Variants in HHAT observed in about 807,000 individuals in gnomAD.
The protein encoded by HHAT is hedgehog acyltransferase.
A neutral mutation model predicts 70.8 loss-of-function variants in HHAT; 47 were observed. The ratio of observed to expected loss-of-function variants is 0.66; its 90% CI spans 0.53 to 0.85. HHAT has a LOEUF of 0.85. Ranked by LOEUF, HHAT falls within the 40% of genes least tolerant of loss-of-function variation. HHAT has a pLI of 0.00. For synonymous variants in HHAT, 228 were observed against 247.6 expected (o/e 0.92, Z 0.74); for missense variants, 609 against 604.8 (o/e 1.01, Z -0.07).
At chr1:210,340,264 A>AAAAAT (rs2085919662) in intron 1 of HHAT, among the ~76,000 whole-genome samples, 3 of 141,328 alleles carry the variant, frequency 2.1e-5, no homozygotes, top group Non-Finnish European at 3.1e-5. Flanking sequence ...AAAAAAAAAA[A>AAAAAT]AAAAGACTCA....
chr1:210,425,362 C>T (rs924248737), intron 7 of HHAT, among the ~76,000 whole-genome samples: 2 of 152,122 alleles, frequency 1.3e-5, no homozygotes, highest in African/African-American at 4.8e-5. Context: ...TCCCATTTGT[C>T]AATTTTGCTT....
upstream of HHAT, chr1:210,328,405 TA>T (rs1195462686): frequency 6.6e-6 from 1 of 152,240 alleles, no homozygotes; most frequent in Non-Finnish European, 1.5e-5. Flanking sequence ...TTACAATTCA[TA>T]AAGTTTATTC....
intron 7 of HHAT, among the ~76,000 whole-genome samples, chr1:210,449,144 T>C (rs570082488): frequency 1.3e-5 from 2 of 152,298 alleles, no homozygotes; most frequent in Admixed American, 1.3e-4. Flanking sequence ...CAGCTTAAAA[T>C]TGGTGGTCGG....
chr1:210,471,663 T>TAGC (rs956462929), intron 8 of HHAT, among the ~76,000 whole-genome samples: 2 of 152,004 alleles, frequency 1.3e-5, no homozygotes, highest in South Asian at 4.1e-4. Context: ...ATAACAGCAA[T>TAGC]AGCAGCAGCA....
Position 210,337,032 on chromosome 1 carries a change from G to T in HHAT, c.-44+7928G>T, listed in dbSNP as rs560337020. 2.6e-5 allele frequency among the ~76,000 whole-genome samples: 4 copies of T among 152,218 alleles called. No homozygotes were observed. In the East Asian group the frequency reaches 7.7e-4, roughly 29 times the overall value. On this transcript the variant is annotated intron_variant, in intron 1 of 11. Coordinates refer to ENST00000261458, the MANE Select transcript of HHAT (RefSeq NM_018194.6). ...TTTTGAATTAGGGACTTATATAATTGACTCCCTTTTGCCAATCTTTAATGG... is the reference window on the plus strand; with the variant it reads ...TTTTGAATTAGGGACTTATATAATTTACTCCCTTTTGCCAATCTTTAATGG...
chr1:210,597,367 A>G (rs776728700), intron 10 of HHAT, among the ~76,000 whole-genome samples: 24 of 152,192 alleles, frequency 1.6e-4, no homozygotes, highest in South Asian at 6.2e-4. Flanking sequence ...CTAGCGTTCT[A>G]TAATCAGCAG....
At chr1:210,516,809 C>A (rs2095064960) in intron 9 of HHAT, among the ~76,000 whole-genome samples, 1 of 152,134 alleles carries the variant, frequency 6.6e-6, no homozygotes, top group South Asian at 2.1e-4. Context: ...GTCATGTCGA[C>A]TTCTCTGGAA....
At chr1:210,404,125 G>C (rs1332735504) in intron 5 of HHAT, among the ~76,000 whole-genome samples, 3 of 152,192 alleles carry the variant, frequency 2.0e-5, no homozygotes, top group Non-Finnish European at 4.4e-5. Context: ...ACTGGATGTA[G>C]CTAATCTGCA....
chr1:210,358,834 C>T (rs540086273), intron 2 of HHAT, among the ~76,000 whole-genome samples: 1 of 152,278 alleles, frequency 6.6e-6, no homozygotes, highest in South Asian at 2.1e-4. Context: ...ATTAATTTCC[C>T]ATCAAAATGC....
In HHAT at chr1:210,646,355, G is replaced by A. The variant is rs145768305; in HGVS notation, c.1390+22685G>A. ...CAAACTCCTAGCCTGAACCTCTTGC[G>A]CTGGCAGGATAAGTTCCTGTTTTCT... On this transcript the variant is annotated intron_variant, in intron 11 of 11. Transcript: ENST00000261458. Among the ~76,000 whole-genome samples the A allele has an allele frequency of 1.1e-4, 16 of 152,254 alleles. No homozygotes were observed. The East Asian group carries it at 2.5e-3, about 24-fold the overall frequency.
At chr1:210,519,177 T>G (rs2095109787) in intron 9 of HHAT, among the ~76,000 whole-genome samples, 1 of 152,214 alleles carries the variant, frequency 6.6e-6, no homozygotes, top group Non-Finnish European at 1.5e-5. Context: ...TAGTTGGGTA[T>G]GACAAGAGTG....
At chr1:210,647,116 C>T (rs1462292480) in intron 11 of HHAT, among the ~76,000 whole-genome samples, 3 of 152,178 alleles carry the variant, frequency 2.0e-5, no homozygotes, top group Admixed American at 2.0e-4. Context: ...GCGTCAGAAG[C>T]GCATTCTCTC....
At chr1:210,424,059 C>T (rs1470216876) in intron 7 of HHAT, among the ~76,000 whole-genome samples, 1 of 151,934 alleles carries the variant, frequency 6.6e-6, no homozygotes, top group African/African-American at 2.4e-5. Context: ...AGGTTTTTTT[C>T]TTCTATTTCT....
At chr1:210,508,092 G>C (rs189084046) in intron 8 of HHAT, among the ~76,000 whole-genome samples, 16 of 151,346 alleles carry the variant, frequency 1.1e-4, no homozygotes, top group Non-Finnish European at 4.4e-5. Context: ...TCAGCTGCTC[G>C]GGAGGCTGAG....
At chr1:210,330,662 C>A (rs1010680942) in intron 1 of HHAT, among the ~76,000 whole-genome samples, 6 of 152,262 alleles carry the variant, frequency 3.9e-5, no homozygotes, top group Middle Eastern at 3.4e-3. Flanking sequence ...TACCTGCACC[C>A]CCTGCTTCCA....
chr1:210,612,960 A>G (rs1434177753), intron 10 of HHAT, among the ~76,000 whole-genome samples: 2 of 152,068 alleles, frequency 1.3e-5, no homozygotes, highest in Non-Finnish European at 2.9e-5. Flanking sequence ...CCATTTTTAA[A>G]GTTGGATTTT....
Position 210,387,591 on chromosome 1 carries a change from T to C in HHAT, c.273+10T>C. 4 of 1,589,008 alleles carry C rather than the reference T, an allele frequency of 2.5e-6. No homozygotes were observed. The highest frequency in any genetic ancestry group is 1.7e-6 in the Non-Finnish European group (2 of 1,157,184). On this transcript the variant is annotated intron_variant, in intron 4 of 11. Coordinates refer to ENST00000261458, the MANE Select transcript of HHAT (RefSeq NM_018194.6). ...ACTGCTGGCAAGAAAGGTATGATTA[T>C]ATGTGTTGTTACCTTTTAAGTGTGT...
At chr1:210,343,441 A>G (rs1198845902) in intron 1 of HHAT, among the ~76,000 whole-genome samples, 1 of 152,184 alleles carries the variant, frequency 6.6e-6, no homozygotes, top group Non-Finnish European at 1.5e-5. Context: ...TCGTAGTGAC[A>G]GTCTCAAATA....
intron 1 of HHAT, among the ~76,000 whole-genome samples, chr1:210,330,263 T>A (rs2084873610): frequency 6.6e-6 from 1 of 152,212 alleles, no homozygotes; most frequent in African/African-American, 2.4e-5. Flanking sequence ...TGTGATTGTT[T>A]GATAAGGACA....
Sources: gnomAD v4.1 joint callset for allele counts (sites outside exome capture counted in the v4.1 genomes callset) on GRCh38, gnomAD v4.1.1 for gene constraint, MANE v1.5 for transcripts, NCBI Gene and HGNC (gene_info 2026-07-23, HGNC 2026-07-21) for gene names.